The following PDZD8 variants were observed in gnomAD, a reference collection of about 807,000 sequenced individuals.
PDZD8 encodes the protein PDZ domain-containing protein 8.
In PDZD8, 14 loss-of-function variants were observed where a neutral mutation model predicts 85.8. That is an observed-to-expected ratio of 0.16 (90% CI 0.11 to 0.26). The LOEUF (loss-of-function observed/expected upper bound fraction) is 0.26, where lower values mean the gene tolerates loss of function less well. Among genes scored for constraint, PDZD8 ranks in the 10% least tolerant of loss-of-function variants. The probability of loss-of-function intolerance (pLI) is 1.00; values close to 1 mark genes in which losing one functional copy is unlikely to be tolerated. For missense variants in PDZD8, 1,197 were observed against 1,424.3 expected, an observed-to-expected ratio of 0.84 and a Z score of 2.57; for synonymous variants, 592 against 568.6, an observed-to-expected ratio of 1.04 and a Z score of -0.59.
At position 117,375,128 on chromosome 10, in the gene PDZD8, G is replaced by A. The variant is rs1845277544; in HGVS notation, c.100C>T (p.Pro34Ser). 6.3e-7 allele frequency: 1 copy of A among 1,591,358 alleles called. No individual in the cohort carries two copies. The highest frequency in any genetic ancestry group is 1.7e-5 in the Admixed American group (1 of 58,856). ...CCCGCGCGGGCGGCCTCGTCCGCCG[G>A]CGGCTCGGGCTGTCTGCGGTACAGC... ...FLLYRRQPEPPADEAARAGEG... is the reference protein window; with the variant it reads ...FLLYRRQPEPSADEAARAGEG... Residue 34 changes from proline (P) to serine (S), a missense_variant, in exon 1 of 5, where the codon CCG (proline) becomes TCG (serine). Around this residue, in one of 4 missense-constraint regions of PDZD8, gnomAD observed 172 missense variants for 137.8 expected, o/e 1.25. Coordinates refer to ENST00000334464, the MANE Select transcript of PDZD8 (RefSeq NM_173791.5).
intron 2 of PDZD8, 32 bp downstream of exon 2, chr10:117,340,948 G>T (rs367846175): frequency 3.7e-6 from 6 of 1,611,440 alleles, no homozygotes; most frequent in African/African-American, 1.3e-5. Context: ...TGTTCTTCCC[G>T]TAACTTAGTA....
At chr10:117,334,262 T>C (rs1589573699) in intron 2 of PDZD8, among the ~76,000 whole-genome samples, 1 of 152,040 alleles carries the variant, frequency 6.6e-6, no homozygotes, top group African/African-American at 2.4e-5. Flanking sequence ...CTTTGGGAGG[T>C]TGAAGCTGGT....
chr10:117,335,404 C>T (rs1485674793), intron 2 of PDZD8, among the ~76,000 whole-genome samples: 4 of 152,158 alleles, frequency 2.6e-5, no homozygotes, highest in Non-Finnish European at 5.9e-5. Flanking sequence ...GGTAAATATA[C>T]AGTAAATGTA....
chr10:117,370,113 CTATTA>C (rs775786848), intron 1 of PDZD8, among the ~76,000 whole-genome samples: 1 of 152,052 alleles, frequency 6.6e-6, no homozygotes, highest in Non-Finnish European at 1.5e-5. Context: ...AAATATATTG[CTATTA>C]TAATATACTA....
Position 117,277,301 on chromosome 10 carries a change from T to C in PDZD8, c.*5967A>G, listed in dbSNP as rs1389844235. On this transcript the variant is annotated 3_prime_UTR_variant, in exon 5 of 5. Coordinates refer to ENST00000334464, the MANE Select transcript of PDZD8 (RefSeq NM_173791.5). ...CTCAAAAATCATCAAAGTGTTTAAT[T>C]GTATAAAACAGTGTTTCCAGTGACA... The C allele has an allele frequency of 3.0e-6, 4 of 1,318,050 alleles. No individual in the cohort carries two copies. The highest frequency in any genetic ancestry group is 4.4e-6 in the Non-Finnish European group (4 of 918,998). The allele number at this position is 1,318,050 out of a possible 1,614,324, so 81.6% of individuals were successfully genotyped here.
chr10:117,292,774 A>G (rs1419630223), intron 3 of PDZD8, among the ~76,000 whole-genome samples: 1 of 151,130 alleles, frequency 6.6e-6, no homozygotes, highest in African/African-American at 2.4e-5. Context: ...CCAGATGCAA[A>G]AAAAAAAAAA....
chr10:117,322,207 A>G (rs973993711), intron 2 of PDZD8, among the ~76,000 whole-genome samples: 2 of 152,296 alleles, frequency 1.3e-5, no homozygotes, highest in African/African-American at 4.8e-5. Flanking sequence ...AAACAGACTT[A>G]TAACTAAATT....
Position 117,375,373 on chromosome 10 carries a change from C to T in PDZD8, c.-146G>A. ...CGTGGGCCTCGTCCAGGGGCTCGGG[C>T]CGGCGCGCTGCGGCGCCCGAGCCCG... On this transcript the variant is annotated 5_prime_UTR_variant, in exon 1 of 5. Coordinates refer to ENST00000334464, the MANE Select transcript of PDZD8 (RefSeq NM_173791.5). 1 of 499,464 alleles carries T rather than the reference C, an allele frequency of 2.0e-6. No homozygotes were observed. Among genetic ancestry groups the T allele is most frequent in the Non-Finnish European group, 3.1e-6 (1 of 325,418 alleles). 30.9% of individuals were successfully genotyped at this position (499,464 alleles called of 1,614,324 possible). A position where few individuals can be genotyped will look rare whatever the true frequency, so the allele number is the denominator to read the frequency against.
intron 4 of PDZD8, 63 bp downstream of exon 4, chr10:117,290,123 A>T (rs557102770): frequency 8.6e-6 from 12 of 1,391,970 alleles, no homozygotes; most frequent in Non-Finnish European, 9.6e-6. Flanking sequence ...GAAAGGAAAA[A>T]CCTCACACCT....
chr10:117,343,337 A>G (rs1294357406), intron 1 of PDZD8, among the ~76,000 whole-genome samples: 1 of 152,078 alleles, frequency 6.6e-6, no homozygotes, highest in Non-Finnish European at 1.5e-5. Context: ...CTAAACTAGT[A>G]TGGAAAGCAG....
At chr10:117,311,444 T>C (rs1400565852) in intron 3 of PDZD8, among the ~76,000 whole-genome samples, 1 of 152,120 alleles carries the variant, frequency 6.6e-6, no homozygotes, top group Non-Finnish European at 1.5e-5. Context: ...CAGCCAGCCT[T>C]AGTCATACCG....
At position 117,326,631 on chromosome 10, in the gene PDZD8, C is replaced by T. The variant is rs1477638555; in HGVS notation, c.996-7657G>A. On this transcript the variant is annotated intron_variant, in intron 2 of 4. Coordinates refer to ENST00000334464, the MANE Select transcript of PDZD8 (RefSeq NM_173791.5). ...ATGACCTAAGAGATCCTTTAATATA[C>T]CTAGTGGTTAACTTTAGCAACATCT... 7.3e-5 allele frequency among the ~76,000 whole-genome samples: 11 copies of T among 149,906 alleles called. No individual in the cohort carries two copies. In the Admixed American group the frequency reaches 7.5e-4, roughly 10 times the overall value.
intron 1 of PDZD8, among the ~76,000 whole-genome samples, chr10:117,345,711 AC>A (rs1314101618): frequency 1.3e-5 from 2 of 152,152 alleles, no homozygotes; most frequent in African/African-American, 4.8e-5. Flanking sequence ...AAACAAACAA[AC>A]AAAAAAACAC....
In PDZD8 at chr10:117,282,271, C is replaced by T. The variant is rs1844584972; in HGVS notation, c.*997G>A. On this transcript the variant is annotated 3_prime_UTR_variant, in exon 5 of 5. Coordinates refer to ENST00000334464, the MANE Select transcript of PDZD8 (RefSeq NM_173791.5). ...AACCAGCCCAAACTAGTTATCAACA[C>T]AGTCATTTTAAAAAGAGTCCTCCAA... 1 of 152,178 alleles carries T rather than the reference C, an allele frequency of 6.6e-6. No individual in the cohort carries two copies. The highest frequency in any genetic ancestry group is 6.5e-5 in the Admixed American group (1 of 15,278). 9.4% of individuals were successfully genotyped at this position (152,178 alleles called of 1,614,324 possible).
rs2105308 is a variant in PDZD8 at position 117,326,894 on chromosome 10, G to A, written c.996-7920C>T. On this transcript the variant is annotated intron_variant, in intron 2 of 4. Coordinates refer to ENST00000334464, the MANE Select transcript of PDZD8 (RefSeq NM_173791.5). ...CAGGTACAAAAAATTAACAAAAGGCGACTTGGTTAAAATGGGTAGACTTCT... is the reference window on the plus strand; with the variant it reads ...CAGGTACAAAAAATTAACAAAAGGCAACTTGGTTAAAATGGGTAGACTTCT... 5.8e-3 allele frequency among the ~76,000 whole-genome samples: 878 copies of A among 152,228 alleles called. 10 individuals carry two copies. Among genetic ancestry groups the A allele is most frequent in the African/African-American group, 0.02 (844 of 41,538 alleles).
intron 1 of PDZD8, among the ~76,000 whole-genome samples, chr10:117,341,744 T>C (rs79009367): frequency 0.014 from 2,138 of 152,304 alleles, 141 homozygotes; most frequent in Admixed American, 0.11. Context: ...AAAAAATATT[T>C]TCAATCCACA....
intron 3 of PDZD8, among the ~76,000 whole-genome samples, chr10:117,311,434 C>G (rs150954488): frequency 6.6e-6 from 1 of 152,304 alleles, no homozygotes; most frequent in African/African-American, 2.4e-5. Context: ...CATGGTCAGA[C>G]AGCCAGCCTT....
At chr10:117,291,170 G>A (rs181090426) in intron 3 of PDZD8, among the ~76,000 whole-genome samples, 219 of 151,360 alleles carry the variant, frequency 1.4e-3, no homozygotes, top group Admixed American at 5.3e-3. Flanking sequence ...CATCCCACCC[G>A]GCCAGTGTAT....
rs1411848358 is a variant in PDZD8, at chr10:117,278,528, ATTTTG to A, written c.*4735_*4739del. 12 of 152,274 alleles carry A rather than the reference ATTTTG, an allele frequency of 7.9e-5. No homozygotes were observed. Among genetic ancestry groups the A allele is most frequent in the African/African-American group, 2.9e-4 (12 of 41,558 alleles). The allele number at this position is 152,274 out of a possible 1,614,324, so 9.4% of individuals were successfully genotyped here. A position where few individuals can be genotyped will look rare whatever the true frequency, so the allele number is the denominator to read the frequency against. The stretch of plus-strand genomic sequence containing the variant: ...TTAGTGAACATTGTCAATTTATGTC[ATTTTG>A]TTAAGAGATATGACTGGAGTGTGCA... On this transcript the variant is annotated 3_prime_UTR_variant, in exon 5 of 5. Coordinates refer to ENST00000334464, the MANE Select transcript of PDZD8 (RefSeq NM_173791.5).
Sources: allele counts gnomAD v4.1 joint callset (sites outside exome capture counted in the v4.1 genomes callset), GRCh38; gene constraint gnomAD v4.1.1; regional missense constraint gnomAD v4.1.1; transcripts MANE v1.5; gene names NCBI Gene and HGNC (gene_info 2026-07-23, HGNC 2026-07-21).